Variants in DOCK2 observed in about 807,000 individuals in gnomAD.
The protein encoded by DOCK2 is dedicator of cytokinesis 2, also known as dedicator of cytokinesis protein 2.
In DOCK2, 87 loss-of-function variants were observed where a neutral mutation model predicts 248.9. That is an observed-to-expected ratio of 0.35 (90% CI 0.29 to 0.42). The LOEUF is 0.42. Ranked by LOEUF, DOCK2 falls within the 10% of genes least tolerant of loss-of-function variation. The pLI, the probability that DOCK2 is intolerant of heterozygous loss-of-function variation, is 1.00. For synonymous variants in DOCK2, 805 were observed against 821.6 expected (o/e 0.98, Z 0.35); for missense variants, 1,747 against 2,300.2 (o/e 0.76, Z 4.92).
chr5:169,954,586 T>C (rs1776790470), intron 27 of DOCK2, among the ~76,000 whole-genome samples: 1 of 152,216 alleles, frequency 6.6e-6, no homozygotes, highest in Non-Finnish European at 1.5e-5. Context: ...TATCCATCCC[T>C]GTTCTTCTAT....
At chr5:170,065,831 G>A (rs866756499) in intron 44 of DOCK2, among the ~76,000 whole-genome samples, 1 of 152,172 alleles carries the variant, frequency 6.6e-6, no homozygotes, top group Non-Finnish European at 1.5e-5. Context: ...TGAGATTTGG[G>A]TGGGGATACA....
chr5:170,037,662 T>A (rs1756368877), intron 36 of DOCK2, among the ~76,000 whole-genome samples: 2 of 152,044 alleles, frequency 1.3e-5, no homozygotes, highest in Admixed American at 1.3e-4. Context: ...AATTTTGTAT[T>A]TTTAGTAGAG....
chr5:169,710,549 A>G (rs954997633), intron 15 of DOCK2, among the ~76,000 whole-genome samples: 3 of 152,238 alleles, frequency 2.0e-5, no homozygotes, highest in Non-Finnish European at 4.4e-5. Flanking sequence ...AATAACCTGC[A>G]TTGGAATAAG....
chr5:169,650,989 G>T (rs1183438450), intron 1 of DOCK2, among the ~76,000 whole-genome samples: 1 of 152,194 alleles, frequency 6.6e-6, no homozygotes, highest in Non-Finnish European at 1.5e-5. Flanking sequence ...ACTGGGCAGG[G>T]TGGAGCAGGC....
At chr5:169,734,370 G>A (rs1160706507) in intron 22 of DOCK2, among the ~76,000 whole-genome samples, 3 of 152,042 alleles carry the variant, frequency 2.0e-5, no homozygotes, top group Non-Finnish European at 2.9e-5. Flanking sequence ...ATCTTTGTGG[G>A]TTCTCATTCT....
chr5:169,867,638 A>G (rs2113441195), intron 27 of DOCK2, among the ~76,000 whole-genome samples: 1 of 152,004 alleles, frequency 6.6e-6, no homozygotes, highest in South Asian at 2.1e-4. Flanking sequence ...CTATCTATCT[A>G]TCTATCTATC....
At chr5:169,656,602 C>T (rs984724785) in intron 2 of DOCK2, among the ~76,000 whole-genome samples, 21 of 151,940 alleles carry the variant, frequency 1.4e-4, no homozygotes, top group Non-Finnish European at 2.4e-4. Context: ...GGTGAGCCAC[C>T]GCACCTGGCC....
Position 169,989,283 on chromosome 5 carries a change from C to T in DOCK2, c.2993+3361C>T, listed in dbSNP as rs562921857. On this transcript the variant is annotated intron_variant, in intron 29 of 51. Transcript: ENST00000520908. ...CTGCAACACAGTAAGATCTGATTTA[C>T]ATGATGTTGTTAATTTTTAAATGAT... 2.6e-5 allele frequency among the ~76,000 whole-genome samples: 4 copies of T among 152,296 alleles called. No homozygotes were observed. In the South Asian group the frequency reaches 6.2e-4, roughly 24 times the overall value.
At position 169,942,359 on chromosome 5, in the gene DOCK2, G is replaced by A. The variant is rs139170502; in HGVS notation, c.2800-40709G>A. 3.5e-3 allele frequency among the ~76,000 whole-genome samples: 530 copies of A among 152,322 alleles called. 5 individuals carry two copies. In the South Asian group the frequency reaches 0.043, roughly 12 times the overall value. On this transcript the variant is annotated intron_variant, in intron 27 of 51. Transcript: ENST00000520908. ...ATTAACTTAGAGGGAGACTGGGTAG[G>A]AGGAGAAATATGTAAAGATGCCCAG...
At position 169,708,205 on chromosome 5, in the gene DOCK2, A is replaced by T. The variant is rs1186355547; in HGVS notation, c.1420A>T (p.Asn474Tyr). 3 of 1,614,042 alleles carry T rather than the reference A, an allele frequency of 1.9e-6. No individual in the cohort carries two copies. Among genetic ancestry groups the T allele is most frequent in the Non-Finnish European group, 2.5e-6 (3 of 1,179,954 alleles). ...ICVGAGDKPM[N>Y]EYRSVVYYQV... ...CGTGGGAGCAGGGGACAAGCCCATG[A>T]ATGAGTATCGCTCCGTTGTGTACTA... The change falls in exon 15 of 52, where the codon AAT becomes TAT. Residue 474 changes from asparagine to tyrosine, a missense_variant. By Grantham distance (143) the Asn-to-Tyr change is moderately radical. Around this residue, in one of 4 missense-constraint regions of DOCK2, gnomAD observed 858 missense variants for 1,183.5 expected, o/e 0.72. Transcript: ENST00000520908.
intron 25 of DOCK2, among the ~76,000 whole-genome samples, chr5:169,790,910 G>A (rs181215781): frequency 6.6e-6 from 1 of 152,284 alleles, no homozygotes. Context: ...ACTATGCCAT[G>A]CCTTCCTCTA....
chr5:169,929,649 G>C (rs958021159), intron 27 of DOCK2, among the ~76,000 whole-genome samples: 2 of 151,532 alleles, frequency 1.3e-5, no homozygotes, highest in Non-Finnish European at 2.9e-5. Flanking sequence ...GGCTGAGGCA[G>C]GAGAATCACT....
chr5:169,751,400 G>T (rs1266479324), intron 23 of DOCK2, among the ~76,000 whole-genome samples: 1 of 152,190 alleles, frequency 6.6e-6, no homozygotes, highest in Non-Finnish European at 1.5e-5. Flanking sequence ...GAGGTGACCG[G>T]AGTCTTGATT....
intron 27 of DOCK2, among the ~76,000 whole-genome samples, chr5:169,889,120 A>G (rs1283694022): frequency 2.6e-5 from 4 of 152,224 alleles, no homozygotes; most frequent in African/African-American, 9.6e-5. Context: ...AAACTCTTGT[A>G]AAACAAATGA....
chr5:169,821,162 C>T (rs201749104), intron 26 of DOCK2, among the ~76,000 whole-genome samples: 42,312 of 151,702 alleles, frequency 0.28, 7,580 homozygotes, highest in African/African-American at 0.52. Context: ...CTGAAAGTGA[C>T]GTAGAGAATG....
At chr5:169,800,812 CT>C (rs1766914640) in intron 25 of DOCK2, among the ~76,000 whole-genome samples, 1 of 152,090 alleles carries the variant, frequency 6.6e-6, no homozygotes, top group Admixed American at 6.5e-5. Context: ...AGAGGAGAGA[CT>C]CAGAATCTTG....
At chr5:169,874,519 G>T (rs746605427) in intron 27 of DOCK2, among the ~76,000 whole-genome samples, 1 of 151,878 alleles carries the variant, frequency 6.6e-6, no homozygotes, top group African/African-American at 2.4e-5. Flanking sequence ...TTCATGCATG[G>T]TCCTTGGTTC....
chr5:169,823,130 A>G (rs192838514), intron 26 of DOCK2, among the ~76,000 whole-genome samples: 135 of 152,368 alleles, frequency 8.9e-4, no homozygotes, highest in Non-Finnish European at 1.5e-3. Context: ...AATAATCAAT[A>G]GCTTACCAGC....
intron 22 of DOCK2, among the ~76,000 whole-genome samples, chr5:169,727,079 A>G (rs1373478696): frequency 6.6e-6 from 1 of 151,570 alleles, no homozygotes; most frequent in East Asian, 1.9e-4. Flanking sequence ...AAAAAAAAAA[A>G]AAGAAAAAAG....
Sources: allele counts gnomAD v4.1 joint callset (sites outside exome capture counted in the v4.1 genomes callset), GRCh38; gene constraint gnomAD v4.1.1; regional missense constraint gnomAD v4.1.1; transcripts MANE v1.5; gene names NCBI Gene and HGNC (gene_info 2026-07-23, HGNC 2026-07-21).